The following BCAS3 variants were observed in gnomAD, a reference collection of about 807,000 sequenced individuals.
BCAS3 encodes BCAS3 microtubule associated cell migration factor.
Under a neutral mutation model 116.1 loss-of-function variants are expected in BCAS3, and 53 were observed. The ratio of observed to expected loss-of-function variants is 0.46; its 90% CI spans 0.37 to 0.57. BCAS3 has a LOEUF of 0.57. Ranked by LOEUF, BCAS3 falls within the 20% of genes least tolerant of loss-of-function variation. The pLI, the probability that BCAS3 is intolerant of heterozygous loss-of-function variation, is 0.00. For synonymous variants in BCAS3, 391 were observed against 408.2 expected (o/e 0.96, Z 0.51); for missense variants, 917 against 1,165.4 (o/e 0.79, Z 3.10).
rs1023351620 is a variant in BCAS3, at chr17:61,097,679, A to T, written c.2425+13115A>T. Among the ~76,000 whole-genome samples, 1 of 152,236 alleles carries T rather than the reference A, an allele frequency of 6.6e-6. No individual in the cohort carries two copies. The highest frequency in any genetic ancestry group is 2.4e-5 in the African/African-American group (1 of 41,470). Reference sequence around the variant, plus strand: ...AACCAGTATTAATTTATAAACAGTTAGGTGCCCAACACTGTGCTAGGTCTT... The same window carrying T: ...AACCAGTATTAATTTATAAACAGTTTGGTGCCCAACACTGTGCTAGGTCTT... On this transcript the variant is annotated intron_variant, in intron 22 of 23. Coordinates refer to ENST00000407086, the MANE Select transcript of BCAS3 (RefSeq NM_017679.5). This position sits in a 1 kb window ranked among gnomAD's most constrained non-coding sequence, Gnocchi z 4.0.
intron 18 of BCAS3, among the ~76,000 whole-genome samples, chr17:61,039,400 T>C (rs182487539): frequency 6.6e-6 from 1 of 152,304 alleles, no homozygotes. Flanking sequence ...GCTGTGAACA[T>C]TCATGTACAG....
chr17:60,812,046 C>T (rs965427504), intron 7 of BCAS3, among the ~76,000 whole-genome samples: 5 of 146,152 alleles, frequency 3.4e-5, no homozygotes, highest in African/African-American at 1.1e-4. Context: ...GAGTGAGACC[C>T]AGTCTCAAAA....
intron 13 of BCAS3, among the ~76,000 whole-genome samples, chr17:60,945,542 T>C (rs1168246074): frequency 1.3e-5 from 2 of 152,336 alleles, no homozygotes; most frequent in South Asian, 2.1e-4. Flanking sequence ...AGTTCACGCC[T>C]GTAATCCCAG....
intron 16 of BCAS3, among the ~76,000 whole-genome samples, chr17:61,027,180 C>T (rs547924885): frequency 5.3e-5 from 8 of 150,928 alleles, no homozygotes; most frequent in South Asian, 2.1e-4. Context: ...TCATAATGCT[C>T]GTAAATATTA....
intron 11 of BCAS3, among the ~76,000 whole-genome samples, chr17:60,910,037 A>G (rs567145533): frequency 2.0e-5 from 3 of 152,294 alleles, no homozygotes; most frequent in Non-Finnish European, 4.4e-5. Flanking sequence ...GCATATTCAT[A>G]GATTTGCTTT....
chr17:60,814,306 T>TGCGCGC (rs1555731469), intron 7 of BCAS3, among the ~76,000 whole-genome samples: 3,139 of 148,290 alleles, frequency 0.021, 118 homozygotes, highest in African/African-American at 0.073. Context: ...TGTGTGTGTG[T>TGCGCGC]GCGCGCGTGC....
At chr17:61,039,999 A>C (rs2067375038) in intron 18 of BCAS3, among the ~76,000 whole-genome samples, 1 of 152,222 alleles carries the variant, frequency 6.6e-6, no homozygotes, top group South Asian at 2.1e-4. Context: ...TCCATCTCAA[A>C]CGTGCATAAT....
rs2072837133 is a variant in BCAS3 at position 61,083,655 on chromosome 17, G to A, written c.2328-812G>A. 6.6e-6 allele frequency among the ~76,000 whole-genome samples: 1 copy of A among 150,856 alleles called. No homozygotes were observed. Among genetic ancestry groups the A allele is most frequent in the Admixed American group, 6.6e-5 (1 of 15,138 alleles). ...CTGTCACCCAGGCTGGAGTGCAGTG[G>A]CACGATCTTGGCTCATTGCAACCTC... On this transcript the variant is annotated intron_variant, in intron 21 of 23. Transcript: ENST00000407086. The surrounding 1 kb of genome is among the most constrained non-coding windows in gnomAD (Gnocchi z 4.9).
At chr17:60,769,768 T>C (rs1183387126) in intron 6 of BCAS3, among the ~76,000 whole-genome samples, 2 of 152,118 alleles carry the variant, frequency 1.3e-5, no homozygotes, top group East Asian at 3.9e-4. Flanking sequence ...TTTTTAATTT[T>C]TTTTAATTTT....
Position 61,188,925 on chromosome 17 carries a change from A to G in BCAS3, c.2425+104361A>G, listed in dbSNP as rs1236354497. ...TGAGACCAGTCTGAGCAACATAGTG[A>G]GACCTCATCTCTATAAAACATCAAA... is the stretch of plus-strand genomic sequence containing the variant. On this transcript the variant is annotated intron_variant, in intron 22 of 23. Transcript: ENST00000407086. This position sits in a 1 kb window ranked among gnomAD's most constrained non-coding sequence, Gnocchi z 4.0. Among the ~76,000 whole-genome samples the G allele has an allele frequency of 6.6e-6, 1 of 152,136 alleles. No individual in the cohort carries two copies. Among genetic ancestry groups the G allele is most frequent in the Non-Finnish European group, 1.5e-5 (1 of 68,010 alleles).
intron 6 of BCAS3, among the ~76,000 whole-genome samples, chr17:60,801,435 T>C (rs758287901): frequency 2.0e-5 from 3 of 152,134 alleles, no homozygotes; most frequent in Non-Finnish European, 4.4e-5. Flanking sequence ...TCATGTTATC[T>C]GTAAATAGGG....
chr17:60,789,417 T>C (rs2046563674), intron 6 of BCAS3, among the ~76,000 whole-genome samples: 1 of 152,054 alleles, frequency 6.6e-6, no homozygotes, highest in Non-Finnish European at 1.5e-5. Context: ...GGGAGAGGAG[T>C]TGGTGACTTG....
intron 9 of BCAS3, chr17:60,887,048 C>T (rs1247536053): frequency 2.6e-5 from 4 of 156,192 alleles, no homozygotes; most frequent in African/African-American, 9.7e-5. Context: ...CCCAGCCTCG[C>T]TGCCGCCTTG....
intron 11 of BCAS3, among the ~76,000 whole-genome samples, 193 bp downstream of exon 11, chr17:60,902,896 T>C (rs1477194328): frequency 1.3e-5 from 2 of 152,262 alleles, no homozygotes; most frequent in African/African-American, 2.4e-5. Flanking sequence ...TTCCATGTTT[T>C]AAACAGTGAC....
chr17:61,001,135 C>T (rs2064208615), intron 15 of BCAS3, among the ~76,000 whole-genome samples: 1 of 152,088 alleles, frequency 6.6e-6, no homozygotes, highest in Non-Finnish European at 1.5e-5. Context: ...TGAGTCACAG[C>T]TTTTGGCATC....
intron 7 of BCAS3, among the ~76,000 whole-genome samples, chr17:60,825,857 GT>G (rs770293138): frequency 8.8e-4 from 114 of 130,056 alleles, no homozygotes; most frequent in Admixed American, 5.2e-3. Context: ...TGGGGATTCA[GT>G]TTTTTTTTTT....
Position 61,251,190 on chromosome 17 carries a change from A to G in BCAS3, c.2426-117137A>G, listed in dbSNP as rs1447078239. Among the ~76,000 whole-genome samples the G allele has an allele frequency of 6.6e-6, 1 of 152,268 alleles. No homozygotes were observed. The highest frequency in any genetic ancestry group is 1.5e-5 in the Non-Finnish European group (1 of 68,048). On this transcript the variant is annotated intron_variant, in intron 22 of 23. Coordinates refer to ENST00000407086, the MANE Select transcript of BCAS3 (RefSeq NM_017679.5). This position sits in a 1 kb window ranked among gnomAD's most constrained non-coding sequence, Gnocchi z 4.7. ...ATTGGAGGCCTCAGCCTGGTGTCCC[A>G]GACAGTATTTGTCAGGCTGATGATA... is the stretch of plus-strand genomic sequence containing the variant.
chr17:61,016,629 A>G (rs1046341887), intron 16 of BCAS3, among the ~76,000 whole-genome samples: 4 of 152,224 alleles, frequency 2.6e-5, no homozygotes, highest in Non-Finnish European at 5.9e-5. Context: ...CAGAAAATAT[A>G]TGTCTATAGG....
At chr17:61,253,111 G>C (rs2048495378) in intron 22 of BCAS3, among the ~76,000 whole-genome samples, 2 of 151,164 alleles carry the variant, frequency 1.3e-5, no homozygotes. Flanking sequence ...CCTGACCTCA[G>C]GTGATCCACT....
Sources: allele counts gnomAD v4.1 joint callset (sites outside exome capture counted in the v4.1 genomes callset), GRCh38; gene constraint gnomAD v4.1.1; non-coding constraint Gnocchi (gnomAD v3.1); transcripts MANE v1.5; gene names NCBI Gene and HGNC (gene_info 2026-07-23, HGNC 2026-07-21).